SPIRE2: variants seen among roughly 807,000 people sequenced by gnomAD.
SPIRE2 encodes the protein protein spire homolog 2.
In SPIRE2, 76 loss-of-function variants were observed where a neutral mutation model predicts 80.7. The observed-to-expected ratio is 0.94, with a 90% CI of 0.78 to 1.14. The LOEUF (loss-of-function observed/expected upper bound fraction) is 1.14, where lower values mean the gene tolerates loss of function less well. Ranked by LOEUF, SPIRE2 falls within the 50% of genes most tolerant of loss-of-function variation. SPIRE2 has a pLI of 0.00. For synonymous variants in SPIRE2, 535 were observed against 432.6 expected (o/e 1.24, Z -2.94); for missense variants, 1,196 against 1,015.3 (o/e 1.18, Z -2.42).
At chr16:89,834,227 G>A (rs1346127997) in intron 1 of SPIRE2, among the ~76,000 whole-genome samples, 1 of 138,066 alleles carries the variant, frequency 7.2e-6, no homozygotes, top group East Asian at 2.0e-4. Context: ...TGTGCTCACG[G>A]TTGGCCGTCG....
intron 8 of SPIRE2, 100 bp from the exon 9 acceptor site, chr16:89,859,065 A>T: frequency 8.8e-7 from 1 of 1,136,878 alleles, no homozygotes. Context: ...ACATCGCAGC[A>T]GACCCTGCGG....
chr16:89,868,064 C>G (rs1314875334), intron 12 of SPIRE2, 125 bp from the exon 13 acceptor site: 4 of 1,035,606 alleles, frequency 3.9e-6, no homozygotes, highest in South Asian at 3.8e-5. Flanking sequence ...ACTGAAGTAA[C>G]CAAGCATCAG....
chr16:89,869,437 CAG>C, intron 13 of SPIRE2, 128 bp from the exon 14 acceptor site: 1 of 653,344 alleles, frequency 1.5e-6, no homozygotes, highest in Non-Finnish European at 2.8e-6. Context: ...AGCACAGGGA[CAG>C]AGAATATTCT....
rs71137682 is a variant in SPIRE2, at chr16:89,842,208, A to ATT, written c.245-3093_245-3092dup. Among the ~76,000 whole-genome samples the ATT allele has an allele frequency of 7.6e-3, 614 of 81,296 alleles. 7 individuals carry two copies. The highest frequency in any genetic ancestry group is 9.3e-3 in the Non-Finnish European group (448 of 48,024). The allele number at this position is 81,296 out of a possible 152,430, so 53.3% of individuals were successfully genotyped here. ...ATACAATTAGATTCATGAACACGTA[A>ATT]TTTTTTTTTTTTTTTTTTTTTTGTG... On this transcript the variant is annotated intron_variant, in intron 1 of 14. Coordinates refer to ENST00000378247, the MANE Select transcript of SPIRE2 (RefSeq NM_032451.2).
rs1339110302 is a variant in SPIRE2, at chr16:89,863,603, A to G, written c.1703A>G (p.Lys568Arg). Reference sequence around the variant, plus strand: ...AAGGAGCTCTTCAGCAGTCTGAAGAAGGGGAAGGTGAGGCTGCCTAGACGT... The same window carrying G: ...AAGGAGCTCTTCAGCAGTCTGAAGAGGGGGAAGGTGAGGCTGCCTAGACGT... ...QNKELFSSLKKGKICCCCRAK... is the reference protein window; with the variant it reads ...QNKELFSSLKRGKICCCCRAK... Residue 568 changes from lysine (K) to arginine (R), a missense_variant, in exon 11 of 15, where the codon AAG becomes AGG. Lys to Arg is a conservative substitution (Grantham distance 26). Coordinates refer to ENST00000378247, the MANE Select transcript of SPIRE2 (RefSeq NM_032451.2). The surrounding 1 kb of genome is among the most constrained non-coding windows in gnomAD (Gnocchi z 4.3). 1.2e-6 allele frequency: 2 copies of G among 1,614,088 alleles called. No homozygotes were observed. The highest frequency in any genetic ancestry group is 2.2e-5 in the East Asian group (1 of 44,894).
intron 12 of SPIRE2, among the ~76,000 whole-genome samples, chr16:89,864,132 C>A (rs1187241203): frequency 6.6e-6 from 1 of 152,102 alleles, no homozygotes; most frequent in African/African-American, 2.4e-5. Flanking sequence ...GGATGTGAAA[C>A]AATGGTTTTC....
At chr16:89,869,053 A>AAAAAAAAAAATATATATAT in intron 13 of SPIRE2, among the ~76,000 whole-genome samples, 1 of 24,034 alleles carries the variant, frequency 4.2e-5, no homozygotes, top group African/African-American at 1.6e-4. Context: ...AAAAAAAAAA[A>AAAAAAAAAAATATATATAT]ATATATATAT....
chr16:89,855,898 T>C, intron 6 of SPIRE2: 1 of 965,926 alleles, frequency 1.0e-6, no homozygotes, highest in Non-Finnish European at 1.5e-6. Flanking sequence ...GAAGGGGCCA[T>C]GTGAGCCATG....
At chr16:89,829,894 G>C (rs1269269096) in intron 1 of SPIRE2, among the ~76,000 whole-genome samples, 1 of 151,392 alleles carries the variant, frequency 6.6e-6, no homozygotes, top group East Asian at 1.9e-4. Flanking sequence ...GCCCACTGCC[G>C]CCCAGAGGGT....
chr16:89,850,342 G>A lies in SPIRE2; in HGVS notation c.327G>A (p.Leu109=). ...TCGGCTTCGCCATCTACCGCGCGCT[G>A]GACTGGGGGCTGGACGAGAGCGAGG... ...QSLGFAIYRA[L]DWGLDESEER... is the part of the protein sequence containing the mutation. Residue 109 remains leucine, a synonymous_variant, in exon 3 of 15, where the codon CTG becomes CTA. Transcript: ENST00000378247. 1 of 1,601,004 alleles carries A rather than the reference G, an allele frequency of 6.2e-7. No homozygotes were observed. The highest frequency in any genetic ancestry group is 1.1e-5 in the South Asian group (1 of 89,306).
chr16:89,849,250 C>G (rs1227417706), intron 2 of SPIRE2, among the ~76,000 whole-genome samples: 1 of 152,218 alleles, frequency 6.6e-6, no homozygotes, highest in Non-Finnish European at 1.5e-5. Flanking sequence ...CACCATGGCC[C>G]CCCACCCTGG....
At chr16:89,860,861 G>A (rs910451268) in intron 10 of SPIRE2, 66 bp downstream of exon 10, 19 of 1,031,768 alleles carry the variant, frequency 1.8e-5, no homozygotes, top group African/African-American at 8.5e-5. Context: ...CCTTCCCGCC[G>A]CCAGCCAGGT....
chr16:89,840,810 G>C (rs1421800609), intron 1 of SPIRE2, among the ~76,000 whole-genome samples: 1 of 144,152 alleles, frequency 6.9e-6, no homozygotes, highest in Non-Finnish European at 1.5e-5. Context: ...TTATTTTTTT[G>C]TATTTTTTAG....
intron 1 of SPIRE2, among the ~76,000 whole-genome samples, chr16:89,829,490 C>G (rs1172842853): frequency 6.6e-6 from 1 of 152,206 alleles, no homozygotes; most frequent in African/African-American, 2.4e-5. Flanking sequence ...TGTGATATGA[C>G]CCCAAAAGCT....
At position 89,850,346 on chromosome 16, in the gene SPIRE2, T is replaced by G; in HGVS notation, c.331T>G (p.Trp111Gly). 1 of 1,600,924 alleles carries G rather than the reference T, an allele frequency of 6.2e-7. No individual in the cohort carries two copies. The change falls in exon 3 of 15, where the codon TGG becomes GGG. Residue 111 changes from tryptophan (W) to glycine (G), a missense_variant. By Grantham distance (184) the Trp-to-Gly change is radical (BLOSUM62 -2). Transcript: ENST00000378247. The part of the protein sequence containing the change: ...LGFAIYRALD[W>G]GLDESEEREL... ...CTTCGCCATCTACCGCGCGCTGGAC[T>G]GGGGGCTGGACGAGAGCGAGGAGCG... is the stretch of plus-strand genomic sequence containing the variant.
At chr16:89,844,409 C>G (rs769027846) in intron 1 of SPIRE2, among the ~76,000 whole-genome samples, 1 of 150,960 alleles carries the variant, frequency 6.6e-6, no homozygotes, top group East Asian at 2.0e-4. Flanking sequence ...CTGCTAGCCT[C>G]AAGTGGTCCA....
intron 2 of SPIRE2, among the ~76,000 whole-genome samples, chr16:89,847,561 A>G (rs2041574734): frequency 6.6e-6 from 1 of 152,212 alleles, no homozygotes; most frequent in Non-Finnish European, 1.5e-5. Flanking sequence ...TCAGAGGCGC[A>G]TACGTTAACC....
chr16:89,843,667 G>GTTTTT (rs746543138), intron 1 of SPIRE2, among the ~76,000 whole-genome samples: 3 of 60,390 alleles, frequency 5.0e-5, no homozygotes, highest in Admixed American at 2.5e-4. Flanking sequence ...TTGCTGCCAC[G>GTTTTT]TTTTTTTTTT....
intron 1 of SPIRE2, among the ~76,000 whole-genome samples, chr16:89,832,291 G>C (rs2041393322): frequency 6.6e-6 from 1 of 152,224 alleles, no homozygotes; most frequent in African/African-American, 2.4e-5. Flanking sequence ...CGCTGGATCT[G>C]GGCTGGCTGG....
Sources: gnomAD v4.1 joint callset for allele counts (sites outside exome capture counted in the v4.1 genomes callset) on GRCh38, gnomAD v4.1.1 for gene constraint, Gnocchi (gnomAD v3.1) non-coding constraint, MANE v1.5 for transcripts, NCBI Gene and HGNC (gene_info 2026-07-23, HGNC 2026-07-21) for gene names.